Variants in STXBP5L observed in about 807,000 individuals in gnomAD.
STXBP5L encodes syntaxin-binding protein 5-like.
In STXBP5L, 65 loss-of-function variants were observed where a neutral mutation model predicts 144.5. The ratio of observed to expected loss-of-function variants is 0.45; its 90% CI spans 0.37 to 0.55. STXBP5L has a LOEUF of 0.55. STXBP5L is among the 20% of genes least tolerant of loss of function. The probability of loss-of-function intolerance (pLI) is 0.00; values close to 1 mark genes in which losing one functional copy is unlikely to be tolerated. For synonymous variants in STXBP5L, 505 were observed against 469.6 expected, an observed-to-expected ratio of 1.08 and a Z score of -0.97; for missense variants, 1,298 against 1,405.5, an observed-to-expected ratio of 0.92 and a Z score of 1.22.
At chr3:121,058,770 T>A (rs1404968502) in intron 5 of STXBP5L, among the ~76,000 whole-genome samples, 1 of 152,274 alleles carries the variant, frequency 6.6e-6, no homozygotes, top group African/African-American at 2.4e-5. Flanking sequence ...TACATAAATG[T>A]CTTCTTTTGA....
intron 20 of STXBP5L, among the ~76,000 whole-genome samples, chr3:121,362,608 C>G (rs902988437): frequency 6.6e-6 from 1 of 152,158 alleles, no homozygotes; most frequent in African/African-American, 2.4e-5. Flanking sequence ...GCTGCCTGGC[C>G]TGGGACTCAG....
At chr3:121,271,871 A>G (rs1391512241) in intron 18 of STXBP5L, among the ~76,000 whole-genome samples, 1 of 152,174 alleles carries the variant, frequency 6.6e-6, no homozygotes, top group Non-Finnish European at 1.5e-5. Context: ...GGCCTCAGGA[A>G]ACTTACAATC....
In STXBP5L at chr3:121,310,902, C is replaced by T. The variant is rs371071012; in HGVS notation, c.2111-7573C>T. Among the ~76,000 whole-genome samples, 15 of 151,802 alleles carry T rather than the reference C, an allele frequency of 9.9e-5. No individual in the cohort carries two copies. In the East Asian group the frequency reaches 1.7e-3, roughly 18 times the overall value. On this transcript the variant is annotated intron_variant, in intron 19 of 26. Coordinates refer to ENST00000471454, the MANE Select transcript of STXBP5L (RefSeq NM_001308330.2). ...CCAGCCTGGGCAACAGAGCAAGACT[C>T]TGTCTCAAAAAAAAAAAGACACCAT...
At chr3:121,156,467 G>C (rs1490963777) in intron 8 of STXBP5L, among the ~76,000 whole-genome samples, 1 of 151,770 alleles carries the variant, frequency 6.6e-6, no homozygotes, top group Non-Finnish European at 1.5e-5. Flanking sequence ...TTTTCTTATA[G>C]TACTTAGTAC....
rs185050178 is a variant in STXBP5L, at chr3:121,371,779, A to G, written c.2177-6937A>G. On this transcript the variant is annotated intron_variant, in intron 20 of 26. Transcript: ENST00000471454. ...GCCGCCCAGTGCCAAGGCCAGGGCC[A>G]CTATTTTCTGTGCCTAATTTTGCAC... Among the ~76,000 whole-genome samples, 555 of 152,336 alleles carry G rather than the reference A, an allele frequency of 3.6e-3. 2 individuals are homozygous for G. Among genetic ancestry groups the G allele is most frequent in the African/African-American group, 0.013 (532 of 41,576 alleles).
In STXBP5L at chr3:121,045,417, A is replaced by G; in HGVS notation, c.370-18A>G. 1 of 1,591,874 alleles carries G rather than the reference A, an allele frequency of 6.3e-7. No individual in the cohort carries two copies. The highest frequency in any genetic ancestry group is 8.5e-7 in the Non-Finnish European group (1 of 1,171,912). On this transcript the variant is annotated intron_variant, in intron 4 of 26. Transcript: ENST00000471454. ...ATTAAGTAAATCACACACTTACTTT[A>G]TCTTCTTTTTGTTCTAGGGTGCCTT...
chr3:121,168,639 G>GA (rs1355310683), intron 9 of STXBP5L, among the ~76,000 whole-genome samples: 1 of 152,022 alleles, frequency 6.6e-6, no homozygotes, highest in Non-Finnish European at 1.5e-5. Flanking sequence ...CAAGATTAGA[G>GA]AAAAAAGAAT....
chr3:121,068,223 T>C (rs951059732), intron 5 of STXBP5L, among the ~76,000 whole-genome samples: 1 of 152,142 alleles, frequency 6.6e-6, no homozygotes, highest in Non-Finnish European at 1.5e-5. Flanking sequence ...TTGGCCATGA[T>C]GGTCTCAATC....
At chr3:121,080,554 A>T (rs954601474) in intron 5 of STXBP5L, among the ~76,000 whole-genome samples, 3 of 152,134 alleles carry the variant, frequency 2.0e-5, no homozygotes, top group Non-Finnish European at 4.4e-5. Flanking sequence ...TGTCTGAAAA[A>T]GACTTTATCT....
chr3:121,061,211 G>A (rs187262853), intron 5 of STXBP5L, among the ~76,000 whole-genome samples: 5 of 152,058 alleles, frequency 3.3e-5, no homozygotes, highest in Admixed American at 3.3e-4. Flanking sequence ...CTTTATTTCT[G>A]CCTTAATTTT....
rs966728191 is a variant in STXBP5L, at chr3:120,968,241, C to G, written c.287+13204C>G. ...TTATTGTGTCACAGTCAGTCTCTCT[C>G]TTTAGGTCTGTTAATATTTGTCTTT... On this transcript the variant is annotated intron_variant, in intron 3 of 26. Coordinates refer to ENST00000471454, the MANE Select transcript of STXBP5L (RefSeq NM_001308330.2). Among the ~76,000 whole-genome samples, 51 of 152,226 alleles carry G rather than the reference C, an allele frequency of 3.4e-4. 1 individual carries two copies. The highest frequency in any genetic ancestry group is 1.9e-4 in the East Asian group (1 of 5,188).
chr3:121,259,037 T>C lies in STXBP5L; in HGVS notation c.1833-6T>C. On this transcript the variant is annotated splice_polypyrimidine_tract_variant and splice_region_variant and intron_variant, in intron 17 of 26. Transcript: ENST00000471454. ...GTATATAATAGGATTGTTTTTGTTC[T>C]TAAAGTGTGAAGACACGGCCAGTGC... 6.3e-7 allele frequency: 1 copy of C among 1,590,452 alleles called. No individual in the cohort carries two copies. The highest frequency in any genetic ancestry group is 8.6e-7 in the Non-Finnish European group (1 of 1,167,502).
Position 121,082,069 on chromosome 3 carries a change from C to G in STXBP5L, c.471-32856C>G, listed in dbSNP as rs540387256. Among the ~76,000 whole-genome samples, 8 of 152,104 alleles carry G rather than the reference C, an allele frequency of 5.3e-5. No individual in the cohort carries two copies. The South Asian group carries it at 8.3e-4, about 16-fold the overall frequency. ...ATATACTGATTCTTCCAACTTTATT[C>G]TTTTTCAAAATTGTCTTAGTTACTC... On this transcript the variant is annotated intron_variant, in intron 5 of 26. Transcript: ENST00000471454.
At chr3:121,114,107 C>G (rs1482365862) in intron 5 of STXBP5L, among the ~76,000 whole-genome samples, 1 of 152,044 alleles carries the variant, frequency 6.6e-6, no homozygotes, top group Non-Finnish European at 1.5e-5. Flanking sequence ...TGTGGAGTAA[C>G]TAAAAAGCAT....
intron 20 of STXBP5L, among the ~76,000 whole-genome samples, chr3:121,339,278 T>C (rs949083075): frequency 6.6e-6 from 1 of 152,160 alleles, no homozygotes; most frequent in African/African-American, 2.4e-5. Context: ...TGCAAGTCAA[T>C]AAATGTGATT....
intron 20 of STXBP5L, among the ~76,000 whole-genome samples, chr3:121,328,412 G>T (rs1303080641): frequency 6.6e-6 from 1 of 152,114 alleles, no homozygotes; most frequent in Non-Finnish European, 1.5e-5. Flanking sequence ...CAGGGCAGAT[G>T]GTTGAGTCAT....
At chr3:121,192,079 A>G (rs542535442) in intron 9 of STXBP5L, among the ~76,000 whole-genome samples, 197 of 152,290 alleles carry the variant, frequency 1.3e-3, no homozygotes, top group African/African-American at 3.6e-3. Flanking sequence ...CATGTAGCCT[A>G]GAACCGAAAG....
At chr3:121,362,028 T>G (rs187317664) in intron 20 of STXBP5L, among the ~76,000 whole-genome samples, 18 of 152,374 alleles carry the variant, frequency 1.2e-4, no homozygotes, top group Admixed American at 1.2e-3. Context: ...AGTGCTATAG[T>G]TCTTGCAGAC....
intron 19 of STXBP5L, among the ~76,000 whole-genome samples, chr3:121,291,026 C>T (rs2051420027): frequency 6.6e-6 from 1 of 152,096 alleles, no homozygotes; most frequent in Non-Finnish European, 1.5e-5. Flanking sequence ...TTCTAGTCAA[C>T]ATAGTACTGG....
Sources: gnomAD v4.1 joint callset for allele counts (sites outside exome capture counted in the v4.1 genomes callset) on GRCh38, gnomAD v4.1.1 for gene constraint, MANE v1.5 for transcripts, NCBI Gene and HGNC (gene_info 2026-07-23, HGNC 2026-07-21) for gene names.